The following MLIP variants were observed in gnomAD, a reference collection of about 807,000 sequenced individuals.
MLIP encodes the protein muscular LMNA interacting protein.
In MLIP, 79 loss-of-function variants were observed where a neutral mutation model predicts 84.8. That is an observed-to-expected ratio of 0.93 (90% CI 0.78 to 1.12). The LOEUF is 1.12. Ranked by LOEUF, MLIP falls within the 50% of genes most tolerant of loss-of-function variation. The pLI is 0.00. For missense variants in MLIP, 1,257 were observed against 1,160.6 expected, an observed-to-expected ratio of 1.08 and a Z score of -1.21; for synonymous variants, 504 against 463.0, an observed-to-expected ratio of 1.09 and a Z score of -1.14.
chr6:54,024,380 T>TTAA (rs1763679848), intron 1 of MLIP, among the ~76,000 whole-genome samples: 1 of 152,236 alleles, frequency 6.6e-6, no homozygotes, highest in Non-Finnish European at 1.5e-5. Flanking sequence ...AAGAAATCTG[T>TTAA]TAATAAACAA....
intron 1 of MLIP, among the ~76,000 whole-genome samples, chr6:54,095,566 T>C (rs1297380599): frequency 1.3e-5 from 2 of 151,986 alleles, no homozygotes; most frequent in African/African-American, 2.4e-5. Context: ...TGGAATGCAG[T>C]TGGGGATGGA....
intron 11 of MLIP, among the ~76,000 whole-genome samples, chr6:54,219,014 T>C (rs1473533855): frequency 1.3e-5 from 2 of 151,290 alleles, no homozygotes; most frequent in Non-Finnish European, 2.9e-5. Context: ...CCATCCTGGC[T>C]AACATGGTGA....
intron 11 of MLIP, chr6:54,216,237 T>C (rs1779845659): frequency 1.0e-6 from 1 of 985,302 alleles, no homozygotes; most frequent in Admixed American, 6.1e-5. Context: ...TGCTAAAGGG[T>C]CAACTGAATA....
intron 1 of MLIP, among the ~76,000 whole-genome samples, chr6:54,087,071 G>A (rs1258244709): frequency 6.6e-6 from 1 of 152,144 alleles, no homozygotes; most frequent in African/African-American, 2.4e-5. Flanking sequence ...GCTCACTGTT[G>A]TATCCCCAGG....
chr6:54,252,232 TATA>T (rs1354724606), intron 12 of MLIP, among the ~76,000 whole-genome samples: 1 of 101,478 alleles, frequency 9.9e-6, no homozygotes, highest in South Asian at 3.2e-4. Flanking sequence ...TATTATAACA[TATA>T]ATATATAAGT....
intron 9 of MLIP, among the ~76,000 whole-genome samples, chr6:54,189,207 A>C (rs560894866): frequency 1.3e-5 from 2 of 152,336 alleles, no homozygotes; most frequent in East Asian, 3.9e-4. Context: ...CCTATAGCCA[A>C]CAATACTGTA....
rs550135105 is a variant in MLIP at position 54,171,972 on chromosome 6, T to C, written c.2544+2400T>C. On this transcript the variant is annotated intron_variant, in intron 9 of 13. Coordinates refer to ENST00000502396, the MANE Select transcript of MLIP (RefSeq NM_001281747.2). ...ATAACTGCTGGGATTCAGTGCGTCA[T>C]TGACTTTGTAGATATTCTTAGATTA... Among the ~76,000 whole-genome samples the C allele has an allele frequency of 2.0e-5, 3 of 151,688 alleles. No homozygotes were observed. The East Asian group carries it at 5.8e-4, about 29-fold the overall frequency.
chr6:54,096,709 C>A (rs1396683962), intron 1 of MLIP, among the ~76,000 whole-genome samples: 3 of 152,206 alleles, frequency 2.0e-5, no homozygotes, highest in African/African-American at 7.2e-5. Context: ...TTACTTCCCA[C>A]CAGCTGCTCT....
At chr6:54,076,199 C>G (rs778135597) in intron 1 of MLIP, among the ~76,000 whole-genome samples, 6 of 152,162 alleles carry the variant, frequency 3.9e-5, no homozygotes, top group Non-Finnish European at 5.9e-5. Context: ...GAGCCGAAAT[C>G]AATAGATGTG....
At chr6:54,239,382 A>AT (rs1554191458) in intron 12 of MLIP, among the ~76,000 whole-genome samples, 7 of 141,456 alleles carry the variant, frequency 4.9e-5, no homozygotes, top group Non-Finnish European at 7.5e-5. Flanking sequence ...ATATATATAT[A>AT]ATATATATAT....
chr6:54,085,043 A>G (rs1280571004), intron 1 of MLIP, among the ~76,000 whole-genome samples: 1 of 152,208 alleles, frequency 6.6e-6, no homozygotes, highest in Non-Finnish European at 1.5e-5. Flanking sequence ...TTCACCCTGC[A>G]GGTAGTTTTT....
At chr6:54,154,924 A>C (rs2150543573) in intron 5 of MLIP, among the ~76,000 whole-genome samples, 1 of 152,236 alleles carries the variant, frequency 6.6e-6, no homozygotes, top group South Asian at 2.1e-4. Flanking sequence ...CCCTTCTGAC[A>C]TCCTTAATTG....
intron 3 of MLIP, among the ~76,000 whole-genome samples, chr6:54,126,659 C>T (rs755100909): frequency 2.0e-5 from 3 of 151,954 alleles, no homozygotes; most frequent in Non-Finnish European, 4.4e-5. Context: ...CAAGTGTAAA[C>T]TAAGGAGAAA....
intron 1 of MLIP, among the ~76,000 whole-genome samples, chr6:54,044,111 T>C (rs1047590399): frequency 6.6e-6 from 1 of 152,230 alleles, no homozygotes; most frequent in Non-Finnish European, 1.5e-5. Flanking sequence ...ACTTATCATT[T>C]TGTTGCTGGT....
intron 2 of MLIP, among the ~76,000 whole-genome samples, chr6:54,121,947 ATAT>A (rs1196987722): frequency 1.3e-5 from 2 of 152,184 alleles, no homozygotes; most frequent in Non-Finnish European, 2.9e-5. Flanking sequence ...AAACAGTGAG[ATAT>A]TATTATTTAC....
intron 1 of MLIP, among the ~76,000 whole-genome samples, chr6:54,076,649 T>C (rs1315428716): frequency 6.6e-6 from 1 of 152,208 alleles, no homozygotes. Flanking sequence ...GGTGGCTTTT[T>C]CCAGGCTTCA....
chr6:54,217,372 G>T, intron 11 of MLIP: 4 of 985,444 alleles, frequency 4.1e-6, no homozygotes, highest in Non-Finnish European at 4.8e-6. Flanking sequence ...AATGGAAACA[G>T]TTTTTGAAGT....
rs189858311 is a variant in MLIP, at chr6:54,166,262, T to C, written c.2500-3266T>C. 1.1e-3 allele frequency among the ~76,000 whole-genome samples: 168 copies of C among 152,044 alleles called. 1 individual carries two copies. The highest frequency in any genetic ancestry group is 3.4e-3 in the Middle Eastern group (1 of 294). On this transcript the variant is annotated intron_variant, in intron 8 of 13. Transcript: ENST00000502396. ...TTAGTTATTTCATAACTAATACCTT[T>C]CAATGAAGTAAAATGTAAGATCATT...
intron 11 of MLIP, among the ~76,000 whole-genome samples, chr6:54,223,393 T>C (rs1780355899): frequency 1.3e-5 from 2 of 152,034 alleles, no homozygotes; most frequent in African/African-American, 2.4e-5. Flanking sequence ...GAATCTTATG[T>C]TTATGTGTTT....
Sources: allele counts gnomAD v4.1 joint callset (sites outside exome capture counted in the v4.1 genomes callset), GRCh38; gene constraint gnomAD v4.1.1; transcripts MANE v1.5; gene names NCBI Gene and HGNC (gene_info 2026-07-23, HGNC 2026-07-21).